Variants in PTPRD observed in about 807,000 individuals in gnomAD.
PTPRD encodes the protein protein tyrosine phosphatase receptor type D, also known as receptor-type tyrosine-protein phosphatase delta.
Under a neutral mutation model 214.5 loss-of-function variants are expected in PTPRD, and 34 were observed. The ratio of observed to expected loss-of-function variants is 0.16; its 90% CI spans 0.12 to 0.21. The LOEUF (loss-of-function observed/expected upper bound fraction) is 0.21. Ranked by LOEUF, PTPRD falls within the 10% of genes least tolerant of loss-of-function variation. The pLI is 1.00. For synonymous variants in PTPRD, 1,128 were observed against 845.7 expected, an observed-to-expected ratio of 1.33 and a Z score of -5.79; for missense variants, 2,545 against 2,398.7, an observed-to-expected ratio of 1.06 and a Z score of -1.27.
At chr9:8,708,583 G>A (rs1288561150) in intron 12 of PTPRD, among the ~76,000 whole-genome samples, 1 of 149,862 alleles carries the variant, frequency 6.7e-6, no homozygotes, top group East Asian at 2.0e-4. Context: ...GGAGACTGAG[G>A]CAGAAGAATC....
At chr9:9,646,848 AG>A (rs2096199016) in intron 7 of PTPRD, among the ~76,000 whole-genome samples, 2 of 152,224 alleles carry the variant, frequency 1.3e-5, no homozygotes, top group African/African-American at 2.4e-5. Flanking sequence ...CAATTATAAA[AG>A]TATATTGTAG....
intron 5 of PTPRD, among the ~76,000 whole-genome samples, chr9:9,820,397 T>C (rs1386324543): frequency 6.6e-6 from 1 of 152,182 alleles, no homozygotes; most frequent in Non-Finnish European, 1.5e-5. Flanking sequence ...CTTTGTTGGA[T>C]GCATGGGTTG....
At chr9:9,895,722 G>C (rs1238261206) in intron 5 of PTPRD, among the ~76,000 whole-genome samples, 1 of 152,002 alleles carries the variant, frequency 6.6e-6, no homozygotes, top group Non-Finnish European at 1.5e-5. Context: ...TGGTAAGAAT[G>C]AGCAATTATT....
At chr9:9,700,856 T>C (rs1056983204) in intron 7 of PTPRD, among the ~76,000 whole-genome samples, 1 of 152,018 alleles carries the variant, frequency 6.6e-6, no homozygotes, top group Non-Finnish European at 1.5e-5. Flanking sequence ...AATGAAAAAA[T>C]GTGGCTTCTG....
At chr9:8,553,246 C>A (rs946657997) in intron 14 of PTPRD, among the ~76,000 whole-genome samples, 1 of 151,966 alleles carries the variant, frequency 6.6e-6, no homozygotes, top group Admixed American at 6.6e-5. Context: ...TTAAACTGTG[C>A]CTTTATAGAA....
intron 11 of PTPRD, among the ~76,000 whole-genome samples, chr9:8,734,959 A>G (rs1159903552): frequency 6.6e-6 from 1 of 152,074 alleles, no homozygotes; most frequent in Non-Finnish European, 1.5e-5. Context: ...GGCAGTGGGA[A>G]AGGAACTTTG....
At chr9:9,328,488 C>G (rs1308414138) in intron 9 of PTPRD, among the ~76,000 whole-genome samples, 1 of 151,814 alleles carries the variant, frequency 6.6e-6, no homozygotes, top group Admixed American at 6.6e-5. Context: ...TGTTCAGATG[C>G]TTCAACCTGG....
chr9:8,523,584 G>A lies in PTPRD; in HGVS notation c.680-60C>T. 3.1e-6 allele frequency: 5 copies of A among 1,592,788 alleles called. No homozygotes were observed. The South Asian group carries it at 4.5e-5, about 14-fold the overall frequency. The stretch of plus-strand genomic sequence containing the variant: ...TGAAATGAGGAAAGGAGAAAAACAA[G>A]GGAAACACAGAGAGAGTAAAAAGGC... On this transcript the variant is annotated intron_variant, in intron 18 of 45. Coordinates refer to ENST00000381196, the MANE Select transcript of PTPRD (RefSeq NM_002839.4).
At chr9:10,112,117 T>C (rs2098696365) in intron 3 of PTPRD, among the ~76,000 whole-genome samples, 1 of 152,194 alleles carries the variant, frequency 6.6e-6, no homozygotes, top group Admixed American at 6.5e-5. Flanking sequence ...GATTTCCCCT[T>C]TTGCCCTAAG....
intron 10 of PTPRD, among the ~76,000 whole-genome samples, chr9:9,085,360 G>C (rs914332958): frequency 6.6e-6 from 1 of 152,082 alleles, no homozygotes; most frequent in East Asian, 1.9e-4. Context: ...GAAAATGTTG[G>C]TTTTTGCCAA....
At chr9:10,392,225 T>A (rs1265189971) in intron 2 of PTPRD, among the ~76,000 whole-genome samples, 1 of 151,982 alleles carries the variant, frequency 6.6e-6, no homozygotes, top group Non-Finnish European at 1.5e-5. Flanking sequence ...TCATGCATAA[T>A]GTATGTATCC....
chr9:8,919,298 CA>C (rs2098808556), intron 11 of PTPRD, among the ~76,000 whole-genome samples: 2 of 150,498 alleles, frequency 1.3e-5, no homozygotes, highest in Non-Finnish European at 2.9e-5. Flanking sequence ...GAGGCTGAGG[CA>C]GGAGAATCGC....
intron 2 of PTPRD, among the ~76,000 whole-genome samples, chr9:10,460,934 T>A (rs1178247239): frequency 6.6e-6 from 1 of 151,350 alleles, no homozygotes; most frequent in African/African-American, 2.4e-5. Context: ...AAAGAAAAAA[T>A]CAACAAAATG....
chr9:10,536,270 T>C (rs564983106), intron 2 of PTPRD, among the ~76,000 whole-genome samples: 1 of 152,142 alleles, frequency 6.6e-6, no homozygotes, highest in Non-Finnish European at 1.5e-5. Flanking sequence ...TGTGCACAGA[T>C]AGTGAACATT....
At chr9:9,089,052 G>A (rs1013381814) in intron 10 of PTPRD, among the ~76,000 whole-genome samples, 2 of 152,118 alleles carry the variant, frequency 1.3e-5, no homozygotes, top group African/African-American at 4.8e-5. Context: ...CTAGTAAAAA[G>A]AAGGTCTTTC....
intron 39 of PTPRD, among the ~76,000 whole-genome samples, chr9:8,369,595 C>G (rs1318116634): frequency 6.6e-6 from 1 of 151,574 alleles, no homozygotes; most frequent in Admixed American, 6.6e-5. Context: ...TTAAGTGATA[C>G]TCAGGAAGCT....
At position 8,395,570 on chromosome 9, in the gene PTPRD, T is replaced by C. The variant is rs1284589166; in HGVS notation, c.4211-6163A>G. Reference sequence around the variant, plus strand: ...CATTTATTGCAAAGACACAGTCTATTGTTTGCCAGGGTATCCCCTGGTATA... The same window carrying C: ...CATTTATTGCAAAGACACAGTCTATCGTTTGCCAGGGTATCCCCTGGTATA... On this transcript the variant is annotated intron_variant, in intron 36 of 45. Coordinates refer to ENST00000381196, the MANE Select transcript of PTPRD (RefSeq NM_002839.4). Among the ~76,000 whole-genome samples the C allele has an allele frequency of 2.0e-5, 3 of 152,082 alleles. No individual in the cohort carries two copies. In the East Asian group the frequency reaches 5.8e-4, roughly 29 times the overall value.
intron 4 of PTPRD, among the ~76,000 whole-genome samples, chr9:9,977,638 T>A (rs1587984847): frequency 6.6e-6 from 1 of 152,278 alleles, no homozygotes; most frequent in South Asian, 2.1e-4. Flanking sequence ...AAAATTGCCA[T>A]GAGTACGACT....
At chr9:10,141,765 T>C (rs1204580846) in intron 3 of PTPRD, among the ~76,000 whole-genome samples, 1 of 152,000 alleles carries the variant, frequency 6.6e-6, no homozygotes, top group African/African-American at 2.4e-5. Context: ...AAAGTTCATA[T>C]GGAACCAAAA....
Sources: gnomAD v4.1 joint callset for allele counts (sites outside exome capture counted in the v4.1 genomes callset) on GRCh38, gnomAD v4.1.1 for gene constraint, MANE v1.5 for transcripts, NCBI Gene and HGNC (gene_info 2026-07-23, HGNC 2026-07-21) for gene names.